SLC4A8: variants seen among roughly 807,000 people sequenced by gnomAD.
SLC4A8 encodes the protein electroneutral sodium bicarbonate exchanger 1.
In SLC4A8, 40 loss-of-function variants were observed where a neutral mutation model predicts 125.0. The ratio of observed to expected loss-of-function variants is 0.32; its 90% CI spans 0.25 to 0.42. The LOEUF (loss-of-function observed/expected upper bound fraction) is 0.42. Among genes scored for constraint, SLC4A8 ranks in the 10% least tolerant of loss-of-function variants. The pLI is 1.00. For synonymous variants in SLC4A8, 456 were observed against 476.0 expected, an observed-to-expected ratio of 0.96 and a Z score of 0.55; for missense variants, 863 against 1,355.1, an observed-to-expected ratio of 0.64 and a Z score of 5.70.
At chr12:51,482,177 A>G (rs1401279476) in intron 16 of SLC4A8, among the ~76,000 whole-genome samples, 1 of 152,174 alleles carries the variant, frequency 6.6e-6, no homozygotes, top group Admixed American at 6.5e-5. Flanking sequence ...GTACACATAA[A>G]ATATATACCA....
chr12:51,443,634 G>A (rs576223440), intron 2 of SLC4A8, among the ~76,000 whole-genome samples: 2 of 152,234 alleles, frequency 1.3e-5, no homozygotes, highest in African/African-American at 4.8e-5. Flanking sequence ...TCTGGAGTGA[G>A]TTTAAGGCCT....
intron 1 of SLC4A8, among the ~76,000 whole-genome samples, chr12:51,415,603 T>C (rs1948672468): frequency 6.6e-6 from 1 of 152,106 alleles, no homozygotes; most frequent in South Asian, 2.1e-4. Flanking sequence ...GTGTTGATTC[T>C]TTCTTGTATG....
At chr12:51,473,578 A>C (rs1950770866) in intron 14 of SLC4A8, among the ~76,000 whole-genome samples, 1 of 152,218 alleles carries the variant, frequency 6.6e-6, no homozygotes, top group South Asian at 2.1e-4. Flanking sequence ...CTTAGAAGGC[A>C]TGCTTATTAA....
rs1180437514 is a variant in SLC4A8 at position 51,474,360 on chromosome 12, A to G, written c.1923A>G (p.Pro641=). 2.5e-6 allele frequency: 4 copies of G among 1,595,250 alleles called. No individual in the cohort carries two copies. The Admixed American group carries it at 6.7e-5, about 27-fold the overall frequency. The part of the protein sequence containing the change: ...LSLYYCRCTL[P]ENPNNHTLQY... ...CCCTCAGCTGCAGGTGTACTCTGCCAGAGAATCCAAACAATCACACCCTCC... is the reference window on the plus strand; with the variant it reads ...CCCTCAGCTGCAGGTGTACTCTGCCGGAGAATCCAAACAATCACACCCTCC... The change falls in exon 15 of 25, where the codon CCA becomes CCG. Residue 641 remains proline (P), a synonymous_variant. Coordinates refer to ENST00000453097, the MANE Select transcript of SLC4A8 (RefSeq NM_001039960.3).
rs549986874 is a variant in SLC4A8 at position 51,412,661 on chromosome 12, A to G, written c.-112+21173A>G. Among the ~76,000 whole-genome samples the G allele has an allele frequency of 2.6e-5, 4 of 152,298 alleles. No individual in the cohort carries two copies. The East Asian group carries it at 7.7e-4, about 29-fold the overall frequency. ...AATATGAACTTTTTTAAGCTCCCAT[A>G]TAAGTGAGAACATGTGATGTTTGTC... is the stretch of plus-strand genomic sequence containing the variant. On this transcript the variant is annotated intron_variant, in intron 1 of 24. Transcript: ENST00000358657.
chr12:51,430,026 C>A (rs1220277084), intron 1 of SLC4A8, among the ~76,000 whole-genome samples: 1 of 151,850 alleles, frequency 6.6e-6, no homozygotes, highest in Non-Finnish European at 1.5e-5. Flanking sequence ...CCAAGTGGTG[C>A]TGGGGACTGA....
chr12:51,465,909 AC>A (rs1206025178), intron 11 of SLC4A8, among the ~76,000 whole-genome samples: 1 of 152,206 alleles, frequency 6.6e-6, no homozygotes, highest in Admixed American at 6.5e-5. Flanking sequence ...CCTGGACTGC[AC>A]AAACTAAAAC....
At chr12:51,451,590 C>A (rs1211579888) in intron 3 of SLC4A8, among the ~76,000 whole-genome samples, 1 of 151,992 alleles carries the variant, frequency 6.6e-6, no homozygotes. Context: ...AACACACAGA[C>A]TTTTTGATTC....
intron 4 of SLC4A8, 92 bp from the exon 5 acceptor site, chr12:51,453,447 A>C: frequency 7.8e-7 from 1 of 1,288,202 alleles, no homozygotes. Flanking sequence ...ATGACTATCC[A>C]GATATCTTCC....
intron 2 of SLC4A8, among the ~76,000 whole-genome samples, chr12:51,448,950 T>A (rs1361919162): frequency 6.6e-6 from 1 of 152,138 alleles, no homozygotes; most frequent in South Asian, 2.1e-4. Flanking sequence ...TGGGAAGGTT[T>A]CTTTTTAAGA....
intron 1 of SLC4A8, among the ~76,000 whole-genome samples, chr12:51,399,609 T>C (rs571618278): frequency 6.6e-6 from 1 of 152,346 alleles, no homozygotes; most frequent in African/African-American, 2.4e-5. Flanking sequence ...GCATTCAATT[T>C]TGGCAAAGTG....
intron 16 of SLC4A8, chr12:51,480,752 A>G (rs920786036): frequency 7.1e-5 from 27 of 380,194 alleles, no homozygotes; most frequent in Non-Finnish European, 9.7e-5. Flanking sequence ...TTCAAATGAC[A>G]TTTCACATCA....
chr12:51,428,997 A>T lies in SLC4A8; in HGVS notation c.48+3962A>T, dbSNP rs61933261. On this transcript the variant is annotated intron_variant, in intron 1 of 24. Coordinates refer to ENST00000453097, the MANE Select transcript of SLC4A8 (RefSeq NM_001039960.3). The stretch of plus-strand genomic sequence containing the variant: ...TGATCTCGGCTCACTGCAACCTCCA[A>T]CTCCCAGGTTCAAGTGATTCTCCTG... Among the ~76,000 whole-genome samples the T allele has an allele frequency of 1.1e-3, 160 of 151,740 alleles. 1 individual carries two copies. Among genetic ancestry groups the T allele is most frequent in the Non-Finnish European group, 1.6e-3 (111 of 67,862 alleles).
At chr12:51,427,361 C>A (rs1949027301) in intron 1 of SLC4A8, among the ~76,000 whole-genome samples, 1 of 152,074 alleles carries the variant, frequency 6.6e-6, no homozygotes, top group Non-Finnish European at 1.5e-5. Flanking sequence ...GCATCATGAC[C>A]CTTAGGTTTC....
At position 51,395,912 on chromosome 12, in the gene SLC4A8, A is replaced by G. The variant is rs572022110; in HGVS notation, c.-112+4424A>G. Among the ~76,000 whole-genome samples the G allele has an allele frequency of 4.6e-5, 7 of 152,354 alleles. No homozygotes were observed. In the South Asian group the frequency reaches 8.3e-4, roughly 18 times the overall value. ...TCTTCTAAATTACATCTGCTGCTCT[A>G]CTTTCCTGCATATTCACATTTACTC... is the stretch of plus-strand genomic sequence containing the variant. On this transcript the variant is annotated intron_variant, in intron 1 of 24. Transcript: ENST00000358657.
chr12:51,400,706 A>C (rs1948355457), intron 1 of SLC4A8, among the ~76,000 whole-genome samples: 1 of 125,544 alleles, frequency 8.0e-6, no homozygotes, highest in Non-Finnish European at 1.6e-5. Flanking sequence ...GGTACTTGAG[A>C]GGAGTGTGAA....
At position 51,497,182 on chromosome 12, in the gene SLC4A8, G is replaced by T. The variant is rs761605544; in HGVS notation, c.3081+58G>T. The T allele has an allele frequency of 2.3e-5, 35 of 1,537,202 alleles. No homozygotes were observed. In the East Asian group the frequency reaches 7.6e-4, roughly 33 times the overall value. ...GGCCTCAAATTACAGAACATAGGAA[G>T]GGTCATGTGAAAAGTCAGCATGTCT... On this transcript the variant is annotated intron_variant, in intron 22 of 24. Coordinates refer to ENST00000453097, the MANE Select transcript of SLC4A8 (RefSeq NM_001039960.3).
chr12:51,505,910 T>A lies in SLC4A8; in HGVS notation c.3249T>A (p.Ser1083=). Residue 1083 remains serine (S), a synonymous_variant, in exon 24 of 25, where the codon TCT becomes TCA. Coordinates refer to ENST00000453097, the MANE Select transcript of SLC4A8 (RefSeq NM_001039960.3). ...TTTGGAAAGCTCTCAGTATGAATTC[T>A]GGAAATGCAAAGGAAAAGAGGTAAA... The part of the protein sequence containing the change: ...TTVWKALSMN[S]GNAKEKSLFN 6.4e-7 allele frequency: 1 copy of A among 1,557,760 alleles called. No homozygotes were observed.
intron 1 of SLC4A8, among the ~76,000 whole-genome samples, chr12:51,417,932 G>A (rs1359279251): frequency 4.6e-5 from 7 of 152,210 alleles, no homozygotes; most frequent in African/African-American, 9.7e-5. Flanking sequence ...GATTAGAGGC[G>A]TGAGCCACCA....
Sources: allele counts gnomAD v4.1 joint callset (sites outside exome capture counted in the v4.1 genomes callset), GRCh38; gene constraint gnomAD v4.1.1; transcripts MANE v1.5; gene names NCBI Gene and HGNC (gene_info 2026-07-23, HGNC 2026-07-21).